The following NRXN3 variants were observed in gnomAD, a reference collection of about 807,000 sequenced individuals.
NRXN3 encodes neurexin 3.
Under a neutral mutation model 137.6 loss-of-function variants are expected in NRXN3, and 32 were observed. The observed-to-expected ratio is 0.23, with a 90% CI of 0.18 to 0.31. The LOEUF (loss-of-function observed/expected upper bound fraction) is 0.31, where lower values mean the gene tolerates loss of function less well. NRXN3 is among the 10% of genes least tolerant of loss of function. The pLI is 1.00. For synonymous variants in NRXN3, 798 were observed against 784.5 expected, an observed-to-expected ratio of 1.02 and a Z score of -0.29; for missense variants, 1,574 against 2,062.5, an observed-to-expected ratio of 0.76 and a Z score of 4.59.
In NRXN3 at chr14:79,097,414, C is replaced by A. The variant is rs984455666; in HGVS notation, c.3262+109273C>A. 3.3e-4 allele frequency among the ~76,000 whole-genome samples: 50 copies of A among 152,224 alleles called. 1 individual carries two copies. Among genetic ancestry groups the A allele is most frequent in the African/African-American group, 1.1e-3 (46 of 41,546 alleles). On this transcript the variant is annotated intron_variant, in intron 15 of 20. Transcript: ENST00000335750. ...TTCTGCTTTCCAAGGGTAAGCATGG[C>A]CAACCTAGTATCCTGCTGTGCACCA...
rs568846727 is a variant in NRXN3 at position 79,127,598 on chromosome 14, G to A, written c.3262+139457G>A. Among the ~76,000 whole-genome samples, 31 of 152,332 alleles carry A rather than the reference G, an allele frequency of 2.0e-4. No individual in the cohort carries two copies. In the South Asian group the frequency reaches 2.5e-3, roughly 12 times the overall value. ...CCTTAGGCTTGTAGTATAGTTTGAAGTCAGGTAGTGTGATGCCTCCAGCTT... is the reference window on the plus strand; with the variant it reads ...CCTTAGGCTTGTAGTATAGTTTGAAATCAGGTAGTGTGATGCCTCCAGCTT... On this transcript the variant is annotated intron_variant, in intron 15 of 20. Transcript: ENST00000335750.
intron 15 of NRXN3, among the ~76,000 whole-genome samples, chr14:79,437,476 T>C (rs2095863430): frequency 6.6e-6 from 1 of 151,948 alleles, no homozygotes; most frequent in East Asian, 1.9e-4. Flanking sequence ...TACCCAGGCA[T>C]TCTTAAAAAT....
chr14:79,709,631 G>A (rs1434407673), intron 19 of NRXN3, among the ~76,000 whole-genome samples: 1 of 152,150 alleles, frequency 6.6e-6, no homozygotes, highest in Non-Finnish European at 1.5e-5. Flanking sequence ...TGTATAAAAT[G>A]ACAGATTTTT....
intron 19 of NRXN3, among the ~76,000 whole-genome samples, chr14:79,747,885 C>A (rs908041864): frequency 3.3e-5 from 5 of 152,076 alleles, no homozygotes; most frequent in African/African-American, 1.2e-4. Context: ...GAAACTCTGT[C>A]TTAGTTTCAT....
intron 15 of NRXN3, among the ~76,000 whole-genome samples, chr14:79,151,287 C>G (rs1568438343): frequency 6.6e-6 from 1 of 152,056 alleles, no homozygotes; most frequent in Non-Finnish European, 1.5e-5. Flanking sequence ...CAAAAACATA[C>G]AGGCTCCTAT....
chr14:78,322,196 C>G (rs1292820613), intron 4 of NRXN3, among the ~76,000 whole-genome samples: 1 of 151,924 alleles, frequency 6.6e-6, no homozygotes, highest in Non-Finnish European at 1.5e-5. Context: ...AAGCCAAACC[C>G]TCAGCTTCTG....
intron 15 of NRXN3, among the ~76,000 whole-genome samples, chr14:79,366,562 T>C (rs761800725): frequency 7.2e-5 from 11 of 152,180 alleles, no homozygotes; most frequent in Non-Finnish European, 1.6e-4. Flanking sequence ...GTGAGAACAT[T>C]CCATGCACTT....
intron 15 of NRXN3, among the ~76,000 whole-genome samples, chr14:79,170,498 A>T (rs139199648): frequency 6.6e-6 from 1 of 152,168 alleles, no homozygotes; most frequent in African/African-American, 2.4e-5. Context: ...GTAGATATAC[A>T]TTCATGGAGG....
intron 10 of NRXN3, among the ~76,000 whole-genome samples, chr14:78,871,522 C>G (rs2099101319): frequency 6.6e-6 from 1 of 152,120 alleles, no homozygotes. Flanking sequence ...GAATTTGAAT[C>G]TTTGCCTGAG....
Position 79,861,363 on chromosome 14 carries a change from T to C in NRXN3, c.4115T>C (p.Ile1372Thr). 6.5e-7 allele frequency: 1 copy of C among 1,536,146 alleles called. No homozygotes were observed. Among genetic ancestry groups the C allele is most frequent in the Non-Finnish European group, 8.7e-7 (1 of 1,146,914 alleles). The change falls in exon 21 of 21, where the codon ATC (isoleucine) becomes ACC (threonine). Residue 1372 changes from isoleucine to threonine, a missense_variant. Physicochemically the swap from Ile to Thr is moderately conservative, Grantham distance 89. This residue lies in a region of NRXN3 where 320 missense variants were observed against 387.1 expected (regional missense o/e 0.83). Transcript: ENST00000335750. The surrounding 1 kb of genome is among the most constrained non-coding windows in gnomAD (Gnocchi z 5.4). ...ACAGATAAGAGTCTTTCCACTTCAA[T>C]CTTCGAAGGTGGCTACAAAGCACAT... is the stretch of plus-strand genomic sequence containing the variant. ...PSTDKSLSTS[I>T]FEGGYKAHAP... is the part of the protein sequence containing the mutation.
At chr14:78,543,232 A>C (rs1025722750) in intron 4 of NRXN3, among the ~76,000 whole-genome samples, 3 of 152,192 alleles carry the variant, frequency 2.0e-5, no homozygotes, top group Non-Finnish European at 1.5e-5. Flanking sequence ...AATTTGTATG[A>C]ATTGATGCAT....
chr14:78,926,386 T>G (rs2099290967), intron 10 of NRXN3, among the ~76,000 whole-genome samples: 1 of 151,360 alleles, frequency 6.6e-6, no homozygotes, highest in South Asian at 2.1e-4. Context: ...CATTTAATAT[T>G]TTTGGACTGA....
At chr14:79,791,515 T>C (rs2099145339) in intron 19 of NRXN3, among the ~76,000 whole-genome samples, 1 of 120,170 alleles carries the variant, frequency 8.3e-6, no homozygotes, top group Non-Finnish European at 1.7e-5. Flanking sequence ...GTAATTATAA[T>C]TAATTATATA....
chr14:79,712,175 C>A (rs2098806811), intron 19 of NRXN3, among the ~76,000 whole-genome samples: 1 of 152,118 alleles, frequency 6.6e-6, no homozygotes, highest in Admixed American at 6.5e-5. Context: ...TACTGGTAAC[C>A]CTTTTATATC....
intron 15 of NRXN3, among the ~76,000 whole-genome samples, chr14:79,122,268 G>A (rs28370560): frequency 0.055 from 8,369 of 152,240 alleles, 685 homozygotes; most frequent in African/African-American, 0.18. Flanking sequence ...GGAATTGATG[G>A]GAGTCCTCTG....
chr14:78,203,340 A>G (rs189742892), intron 1 of NRXN3, among the ~76,000 whole-genome samples: 104 of 152,324 alleles, frequency 6.8e-4, no homozygotes, highest in African/African-American at 2.3e-3. Context: ...GGAGCTAGGT[A>G]AAGCATTCTC....
chr14:78,725,393 G>A (rs1397976152), intron 8 of NRXN3, among the ~76,000 whole-genome samples: 1 of 152,236 alleles, frequency 6.6e-6, no homozygotes, highest in African/African-American at 2.4e-5. Context: ...TCCTTTCTGG[G>A]TCTGAAGATA....
At chr14:79,025,017 T>C (rs2099595775) in intron 15 of NRXN3, among the ~76,000 whole-genome samples, 1 of 152,192 alleles carries the variant, frequency 6.6e-6, no homozygotes, top group South Asian at 2.1e-4. Context: ...TGGATGTGAC[T>C]GCCTGTAAAG....
chr14:79,634,310 G>GGAGA (rs34105116), intron 16 of NRXN3, among the ~76,000 whole-genome samples: 2 of 150,290 alleles, frequency 1.3e-5, no homozygotes, highest in East Asian at 2.0e-4. Context: ...AGCAAATGAG[G>GGAGA]GAGAGAGAGA....
Sources: gnomAD v4.1 joint callset for allele counts (sites outside exome capture counted in the v4.1 genomes callset) on GRCh38, gnomAD v4.1.1 for gene constraint, gnomAD v4.1.1 regional missense constraint, Gnocchi (gnomAD v3.1) non-coding constraint, MANE v1.5 for transcripts, NCBI Gene and HGNC (gene_info 2026-07-23, HGNC 2026-07-21) for gene names.